The following SLC2A13 variants were observed in gnomAD, a reference collection of about 807,000 sequenced individuals.
SLC2A13 encodes proton myo-inositol cotransporter.
SLC2A13 carries 32 observed loss-of-function variants against 64.4 expected under a neutral mutation model. That is an observed-to-expected ratio of 0.50 (90% CI 0.37 to 0.67). The LOEUF is 0.67. Among genes scored for constraint, SLC2A13 ranks in the 30% least tolerant of loss-of-function variants. The pLI is 0.00. For missense variants in SLC2A13, 743 were observed against 829.2 expected (o/e 0.90, Z 1.28); for synonymous variants, 338 against 327.1 (o/e 1.03, Z -0.36).
At chr12:40,019,125 A>G (rs1343125454) in intron 3 of SLC2A13, among the ~76,000 whole-genome samples, 1 of 152,210 alleles carries the variant, frequency 6.6e-6, no homozygotes, top group Non-Finnish European at 1.5e-5. Context: ...GGCAGAGAGA[A>G]TAAGCACCAG....
intron 3 of SLC2A13, among the ~76,000 whole-genome samples, chr12:40,014,216 A>C (rs1211506636): frequency 6.6e-6 from 1 of 152,230 alleles, no homozygotes; most frequent in East Asian, 1.9e-4. Context: ...AGAGGTAAAC[A>C]AAACTCACCC....
Position 39,759,860 on chromosome 12 carries a change from A to G in SLC2A13, c.*166T>C. ...AATATTGTTCCTTGTGGAAAAAAAA[A>G]GTCATCATGGTTGTATCTTCCTCCT... On this transcript the variant is annotated 3_prime_UTR_variant, in exon 10 of 10. Coordinates refer to ENST00000280871, the MANE Select transcript of SLC2A13 (RefSeq NM_052885.4). 1 of 568,588 alleles carries G rather than the reference A, an allele frequency of 1.8e-6. No homozygotes were observed. The highest frequency in any genetic ancestry group is 3.1e-6 in the Non-Finnish European group (1 of 323,608). The allele number at this position is 568,588 out of a possible 1,614,324, so 35.2% of individuals were successfully genotyped here.
chr12:39,988,348 T>C (rs1219306180), intron 3 of SLC2A13, among the ~76,000 whole-genome samples: 1 of 152,054 alleles, frequency 6.6e-6, no homozygotes, highest in Non-Finnish European at 1.5e-5. Flanking sequence ...AAAAAATTAT[T>C]GCATTGTTTT....
chr12:39,912,809 G>A (rs1184930125), intron 4 of SLC2A13, among the ~76,000 whole-genome samples: 8 of 152,050 alleles, frequency 5.3e-5, no homozygotes, highest in East Asian at 1.9e-4. Flanking sequence ...TTGTGTAAAC[G>A]TTAGTAGGCA....
Position 40,028,348 on chromosome 12 carries a change from T to A in SLC2A13, c.878A>T (p.Asp293Val). The change falls in exon 3 of 10, where the codon GAT becomes GTT. Residue 293 changes from aspartate to valine, a missense_variant. Coordinates refer to ENST00000280871, the MANE Select transcript of SLC2A13 (RefSeq NM_052885.4). Reference sequence around the variant, plus strand: ...CTCTTCAATGTTGTTTTTGATGCTATCATATTCCTCATCAATGGTCTGGTT... The same window carrying A: ...CTCTTCAATGTTGTTTTTGATGCTAACATATTCCTCATCAATGGTCTGGTT... ...RGNQTIDEEYDSIKNNIEEEE... is the reference protein window; with the variant it reads ...RGNQTIDEEYVSIKNNIEEEE... 1 of 1,614,100 alleles carries A rather than the reference T, an allele frequency of 6.2e-7. No individual in the cohort carries two copies. The highest frequency in any genetic ancestry group is 8.5e-7 in the Non-Finnish European group (1 of 1,179,998).
intron 4 of SLC2A13, among the ~76,000 whole-genome samples, chr12:39,915,890 G>C (rs1236397308): frequency 6.6e-6 from 1 of 151,834 alleles, no homozygotes; most frequent in Non-Finnish European, 1.5e-5. Context: ...ACAAATCTCT[G>C]ATTTACAGCA....
chr12:40,051,258 C>T (rs577517265), intron 1 of SLC2A13, among the ~76,000 whole-genome samples: 48 of 152,266 alleles, frequency 3.2e-4, no homozygotes, highest in African/African-American at 1.1e-3. Flanking sequence ...GACAATTCTG[C>T]ACAGAACATG....
intron 7 of SLC2A13, among the ~76,000 whole-genome samples, chr12:39,778,135 C>G (rs1180915351): frequency 1.3e-5 from 2 of 152,156 alleles, no homozygotes; most frequent in Non-Finnish European, 2.9e-5. Flanking sequence ...AGCCACACCC[C>G]CATCACACAC....
chr12:40,081,197 G>A (rs1367549977), intron 1 of SLC2A13, among the ~76,000 whole-genome samples: 2 of 152,150 alleles, frequency 1.3e-5, no homozygotes, highest in African/African-American at 2.4e-5. Context: ...TGGACATCTT[G>A]TAGTATATTG....
In SLC2A13 at chr12:40,102,288, T is replaced by C. The variant is rs17518483; in HGVS notation, c.556+2965A>G. Among the ~76,000 whole-genome samples, 599 of 152,380 alleles carry C rather than the reference T, an allele frequency of 3.9e-3. 4 individuals carry two copies. The highest frequency in any genetic ancestry group is 0.014 in the African/African-American group (582 of 41,592). ...CCATAATGGAAGCTTAATTAGCAAG[T>C]GTTGAATAGATAATGATTTCATTAA... is the stretch of plus-strand genomic sequence containing the variant. On this transcript the variant is annotated intron_variant, in intron 1 of 9. Coordinates refer to ENST00000280871, the MANE Select transcript of SLC2A13 (RefSeq NM_052885.4).
At chr12:40,102,535 T>C (rs1422465609) in intron 1 of SLC2A13, among the ~76,000 whole-genome samples, 1 of 152,178 alleles carries the variant, frequency 6.6e-6, no homozygotes, top group African/African-American at 2.4e-5. Context: ...TTGACCCACA[T>C]GGGCCGTATA....
Position 39,947,952 on chromosome 12 carries a change from G to A in SLC2A13, c.1034+3305C>T, listed in dbSNP as rs571328352. On this transcript the variant is annotated intron_variant, in intron 4 of 9. Coordinates refer to ENST00000280871, the MANE Select transcript of SLC2A13 (RefSeq NM_052885.4). The stretch of plus-strand genomic sequence containing the variant: ...TGGAATTACAGGCATGAGCCACCGC[G>A]CCTGGCCGAGAATTTCTTGAATTTA... Among the ~76,000 whole-genome samples, 9 of 152,122 alleles carry A rather than the reference G, an allele frequency of 5.9e-5. No individual in the cohort carries two copies. In the East Asian group the frequency reaches 1.4e-3, roughly 23 times the overall value.
chr12:39,977,077 A>G (rs1256290355), intron 3 of SLC2A13, among the ~76,000 whole-genome samples: 3 of 152,236 alleles, frequency 2.0e-5, no homozygotes, highest in Non-Finnish European at 4.4e-5. Context: ...ATCTATGGTA[A>G]CAGATAAAAG....
intron 7 of SLC2A13, among the ~76,000 whole-genome samples, chr12:39,801,419 C>T (rs1941788312): frequency 1.3e-5 from 2 of 149,954 alleles, no homozygotes; most frequent in Middle Eastern, 3.5e-3. Flanking sequence ...AGCAAACAGC[C>T]ATAAACAAAA....
intron 4 of SLC2A13, among the ~76,000 whole-genome samples, chr12:39,947,458 C>T (rs1266481369): frequency 6.6e-6 from 1 of 152,160 alleles, no homozygotes; most frequent in African/African-American, 2.4e-5. Context: ...ATCAAACCCA[C>T]ATAGAACTTA....
intron 3 of SLC2A13, among the ~76,000 whole-genome samples, chr12:40,019,054 C>T (rs1447298056): frequency 1.3e-5 from 2 of 152,002 alleles, no homozygotes; most frequent in Non-Finnish European, 1.5e-5. Context: ...ATTTTGGAGG[C>T]CATGGGGAAA....
intron 7 of SLC2A13, among the ~76,000 whole-genome samples, chr12:39,776,784 T>G (rs1940795804): frequency 6.6e-6 from 1 of 152,204 alleles, no homozygotes; most frequent in Non-Finnish European, 1.5e-5. Flanking sequence ...AAACTTTCAT[T>G]AACTGAGGAA....
chr12:39,980,730 C>CT (rs1428682143), intron 3 of SLC2A13, among the ~76,000 whole-genome samples: 1 of 152,094 alleles, frequency 6.6e-6, no homozygotes, highest in African/African-American at 2.4e-5. Flanking sequence ...TAATGGGAGA[C>CT]TTTAACACCC....
chr12:39,789,845 T>A (rs958303058), intron 7 of SLC2A13, among the ~76,000 whole-genome samples: 58 of 152,314 alleles, frequency 3.8e-4, no homozygotes, highest in African/African-American at 1.3e-3. Flanking sequence ...TCTGCTTTTA[T>A]AGAGTGTCTA....
Sources: gnomAD v4.1 joint callset for allele counts (sites outside exome capture counted in the v4.1 genomes callset) on GRCh38, gnomAD v4.1.1 for gene constraint, MANE v1.5 for transcripts, NCBI Gene and HGNC (gene_info 2026-07-23, HGNC 2026-07-21) for gene names.